COMMD1: variants seen among roughly 807,000 people sequenced by gnomAD.
COMMD1 encodes copper metabolism domain containing 1, also known as COMM domain-containing protein 1.
In COMMD1, 10 loss-of-function variants were observed where a neutral mutation model predicts 17.2. The observed-to-expected ratio is 0.58, with a 90% CI of 0.36 to 0.99. COMMD1 has a LOEUF of 0.99. COMMD1 is among the 50% of genes least tolerant of loss of function. The pLI, the probability that COMMD1 is intolerant of heterozygous loss-of-function variation, is 0.01. For synonymous variants in COMMD1, 97 were observed against 91.6 expected (o/e 1.06, Z -0.34); for missense variants, 270 against 231.8 (o/e 1.17, Z -1.07).
chr2:62,080,758 C>T (rs1671491347), intron 2 of COMMD1, among the ~76,000 whole-genome samples: 1 of 149,224 alleles, frequency 6.7e-6, no homozygotes, highest in South Asian at 2.1e-4. Context: ...CATAATCATA[C>T]TTATGGAGTT....
intron 2 of COMMD1, among the ~76,000 whole-genome samples, chr2:62,063,386 T>A (rs1490735378): frequency 6.6e-6 from 1 of 152,034 alleles, no homozygotes; most frequent in Non-Finnish European, 1.5e-5. Flanking sequence ...GAGACAGGGT[T>A]TCACCCTGTT....
chr2:62,106,272 A>G (rs1171908208), intron 2 of COMMD1, among the ~76,000 whole-genome samples: 2 of 152,266 alleles, frequency 1.3e-5, no homozygotes, highest in Admixed American at 6.5e-5. Flanking sequence ...ATTTGTTTAT[A>G]TCAGTACCAT....
At chr2:62,041,994 C>T (rs1670224517) in intron 2 of COMMD1, among the ~76,000 whole-genome samples, 1 of 152,194 alleles carries the variant, frequency 6.6e-6, no homozygotes, top group South Asian at 2.1e-4. Context: ...GCTCTGGTGG[C>T]CTGCTTTTTA....
intron 2 of COMMD1, among the ~76,000 whole-genome samples, chr2:62,053,775 A>G (rs1259919421): frequency 2.0e-5 from 3 of 152,224 alleles, no homozygotes; most frequent in Non-Finnish European, 2.9e-5. Flanking sequence ...GTATAGGTAC[A>G]TGGAGTATTT....
At chr2:61,936,269 T>A (rs907057066) in intron 1 of COMMD1, among the ~76,000 whole-genome samples, 1 of 152,186 alleles carries the variant, frequency 6.6e-6, no homozygotes, top group African/African-American at 2.4e-5. Flanking sequence ...ATGAGAAATC[T>A]ATACCCCAGA....
chr2:61,973,640 A>G (rs1238424214), intron 1 of COMMD1, among the ~76,000 whole-genome samples: 2 of 152,204 alleles, frequency 1.3e-5, no homozygotes, highest in South Asian at 2.1e-4. Flanking sequence ...TGTTAGTAGT[A>G]TGCTTTGCAT....
At chr2:61,960,414 A>G (rs1047154959) in intron 1 of COMMD1, among the ~76,000 whole-genome samples, 1 of 152,162 alleles carries the variant, frequency 6.6e-6, no homozygotes, top group Admixed American at 6.5e-5. Context: ...TAATACACCA[A>G]CAAGAAGGAG....
chr2:62,035,934 G>C (rs190598456), intron 2 of COMMD1, among the ~76,000 whole-genome samples: 782 of 151,830 alleles, frequency 5.2e-3, no homozygotes, highest in Non-Finnish European at 8.3e-3. Context: ...TGTGCCTGTA[G>C]TCCCAGCTAC....
chr2:62,121,960 T>C (rs752977861), intron 2 of COMMD1, among the ~76,000 whole-genome samples: 1 of 151,818 alleles, frequency 6.6e-6, no homozygotes, highest in Non-Finnish European at 1.5e-5. Flanking sequence ...CCCAGCTAAT[T>C]TTTTGTATTT....
chr2:62,058,905 C>T (rs906002953), intron 2 of COMMD1, among the ~76,000 whole-genome samples: 12 of 152,104 alleles, frequency 7.9e-5, no homozygotes, highest in Admixed American at 3.3e-4. Context: ...CTCAGCCTCC[C>T]GAGTAGCTGG....
intron 2 of COMMD1, among the ~76,000 whole-genome samples, chr2:62,077,544 T>A (rs367679666): frequency 2.0e-5 from 3 of 152,212 alleles, no homozygotes; most frequent in East Asian, 1.9e-4. Context: ...CCTATTATCA[T>A]ACTTTACTTC....
At chr2:61,923,966 G>A (rs1670259319) in intron 1 of COMMD1, among the ~76,000 whole-genome samples, 1 of 152,066 alleles carries the variant, frequency 6.6e-6, no homozygotes, top group Non-Finnish European at 1.5e-5. Flanking sequence ...TTGTAGAGAT[G>A]GGGTTTCGCC....
chr2:61,899,910 G>T lies in COMMD1; in HGVS notation n.119+11068G>T, dbSNP rs200509284. Reference sequence around the variant, plus strand: ...TGGTCTTGAACTTCTGATCTCAAGTGATCCGCCCACCTTGGTTTCCCAAAG... The same window carrying T: ...TGGTCTTGAACTTCTGATCTCAAGTTATCCGCCCACCTTGGTTTCCCAAAG... On this transcript the variant is annotated intron_variant and non_coding_transcript_variant, in intron 1 of 2. Transcript: ENST00000472729. Among the ~76,000 whole-genome samples the T allele has an allele frequency of 6.6e-5, 10 of 152,260 alleles. No individual in the cohort carries two copies. The East Asian group carries it at 1.9e-3, about 29-fold the overall frequency.
chr2:62,055,201 C>T (rs915544757), intron 2 of COMMD1, among the ~76,000 whole-genome samples: 13 of 152,182 alleles, frequency 8.5e-5, no homozygotes, highest in Admixed American at 5.9e-4. Flanking sequence ...TTTTAGCCTG[C>T]GCATGGCCTG....
intron 2 of COMMD1, among the ~76,000 whole-genome samples, chr2:62,043,199 G>A (rs751158363): frequency 1.3e-5 from 2 of 152,224 alleles, no homozygotes; most frequent in Admixed American, 6.5e-5. Context: ...CCTTGGCCAG[G>A]TGGAGATTAA....
chr2:62,038,756 C>T (rs1415975897), intron 2 of COMMD1, among the ~76,000 whole-genome samples: 1 of 151,968 alleles, frequency 6.6e-6, no homozygotes, highest in East Asian at 1.9e-4. Flanking sequence ...ACCATGTTGC[C>T]CAGGCTGATC....
At chr2:61,932,954 C>T (rs556536672) in intron 1 of COMMD1, among the ~76,000 whole-genome samples, 95 of 152,200 alleles carry the variant, frequency 6.2e-4, no homozygotes, top group African/African-American at 2.1e-3. Context: ...CCTGCCCTCT[C>T]GGCACCTGGG....
At chr2:61,976,617 A>G (rs1353346001) in intron 1 of COMMD1, among the ~76,000 whole-genome samples, 2 of 152,202 alleles carry the variant, frequency 1.3e-5, no homozygotes, top group African/African-American at 4.8e-5. Context: ...CAGGCAAAAA[A>G]TCACCAAGGA....
At chr2:62,013,782 CATT>C (rs375314496) in intron 2 of COMMD1, among the ~76,000 whole-genome samples, 362 of 152,272 alleles carry the variant, frequency 2.4e-3, no homozygotes, top group African/African-American at 8.5e-3. Context: ...TAATTCTAGT[CATT>C]GTTAAAACAG....
Sources: gnomAD v4.1 joint callset for allele counts (sites outside exome capture counted in the v4.1 genomes callset) on GRCh38, gnomAD v4.1.1 for gene constraint, MANE v1.5 for transcripts, NCBI Gene and HGNC (gene_info 2026-07-23, HGNC 2026-07-21) for gene names.